BMPER: variants seen among roughly 807,000 people sequenced by gnomAD.
BMPER encodes BMP binding endothelial regulator.
BMPER carries 45 observed loss-of-function variants against 87.3 expected under a neutral mutation model. That is an observed-to-expected ratio of 0.52 (90% confidence interval 0.41 to 0.66). The LOEUF is 0.66. Ranked by LOEUF, BMPER falls within the 30% of genes least tolerant of loss-of-function variation. BMPER has a pLI of 0.00. For synonymous variants in BMPER, 326 were observed against 316.2 expected, an observed-to-expected ratio of 1.03 and a Z score of -0.33; for missense variants, 784 against 867.5, an observed-to-expected ratio of 0.90 and a Z score of 1.21.
At chr7:34,137,588 G>C (rs1459360679) in intron 13 of BMPER, among the ~76,000 whole-genome samples, 1 of 152,234 alleles carries the variant, frequency 6.6e-6, no homozygotes, top group South Asian at 2.1e-4. Context: ...AAGGTATGAA[G>C]GACATGGGAC....
chr7:34,079,246 C>T, intron 12 of BMPER, 60 bp downstream of exon 12: 1 of 1,600,780 alleles, frequency 6.2e-7, no homozygotes, highest in Non-Finnish European at 8.6e-7. Context: ...CGTTCAGCAG[C>T]ACTGCTCGGT....
intron 6 of BMPER, among the ~76,000 whole-genome samples, chr7:34,019,333 C>G (rs1787119497): frequency 6.6e-6 from 1 of 152,058 alleles, no homozygotes; most frequent in African/African-American, 2.4e-5. Context: ...AGGAGCCATT[C>G]TCTCGTCAGA....
At chr7:34,033,791 G>A (rs531184117) in intron 6 of BMPER, among the ~76,000 whole-genome samples, 7 of 152,278 alleles carry the variant, frequency 4.6e-5, no homozygotes, top group South Asian at 4.1e-4. Flanking sequence ...CTTGTCTTCC[G>A]TTATCTTCAC....
intron 13 of BMPER, among the ~76,000 whole-genome samples, chr7:34,131,784 G>A (rs544064454): frequency 2.5e-4 from 38 of 152,304 alleles, no homozygotes; most frequent in African/African-American, 7.7e-4. Flanking sequence ...CAATGCTGGG[G>A]CTGGCATCCC....
chr7:33,927,094 AG>A lies in BMPER; in HGVS notation c.220-10194del, dbSNP rs1370792506. Among the ~76,000 whole-genome samples the A allele has an allele frequency of 2.6e-5, 4 of 152,258 alleles. No homozygotes were observed. The East Asian group carries it at 7.7e-4, about 29-fold the overall frequency. The stretch of plus-strand genomic sequence containing the variant: ...AAGAGTGTCTCACTGGTGACCAGAA[AG>A]TTACTTTGTCAAAATGACAGATGGG... On this transcript the variant is annotated intron_variant, in intron 2 of 14. Transcript: ENST00000649409.
In BMPER at chr7:33,905,755, G is replaced by A; in HGVS notation, c.133+9G>A. 6.2e-7 allele frequency: 1 copy of A among 1,610,218 alleles called. No individual in the cohort carries two copies. On this transcript the variant is annotated intron_variant, in intron 1 of 14. Coordinates refer to ENST00000649409, the MANE Select transcript of BMPER (RefSeq NM_001365308.1). ...TTCCTCCTTCTTGACAGGTAGGGGA[G>A]GGGGCGGGAGGGACCGGCCCTCCGG...
intron 6 of BMPER, among the ~76,000 whole-genome samples, chr7:33,998,391 G>T (rs891182265): frequency 6.6e-6 from 1 of 152,128 alleles, no homozygotes; most frequent in African/African-American, 2.4e-5. Context: ...TGGGAATCTG[G>T]TCATTGCCCT....
At chr7:34,076,180 C>G (rs1323462494) in intron 11 of BMPER, among the ~76,000 whole-genome samples, 1 of 152,148 alleles carries the variant, frequency 6.6e-6, no homozygotes, top group East Asian at 1.9e-4. Context: ...TCCCGCCCAG[C>G]TATGAGCAAG....
intron 3 of BMPER, among the ~76,000 whole-genome samples, chr7:33,958,704 C>T (rs555943836): frequency 9.2e-5 from 14 of 152,248 alleles, no homozygotes; most frequent in East Asian, 1.9e-4. Context: ...AAAGTAATTG[C>T]GCTTTTTTGA....
chr7:34,063,103 G>GT lies in BMPER; in HGVS notation c.1078+1060dup, dbSNP rs572444141. Among the ~76,000 whole-genome samples, 370 of 152,314 alleles carry GT rather than the reference G, an allele frequency of 2.4e-3. 1 individual carries two copies. Among genetic ancestry groups the GT allele is most frequent in the Admixed American group, 3.9e-3 (60 of 15,302 alleles). On this transcript the variant is annotated intron_variant, in intron 11 of 14. Transcript: ENST00000649409. ...TGGTTTTGAGATAGCTTCCTGGAGT[G>GT]TTTTATTGAAAGAGGAGTATTAGTA...
At chr7:33,970,547 G>T (rs1016603741) in intron 5 of BMPER, 128 bp downstream of exon 5, 1 of 953,866 alleles carries the variant, frequency 1.0e-6, no homozygotes, top group Admixed American at 1.9e-5. Flanking sequence ...TTTAGAGAGC[G>T]AGCTCCTTTG....
intron 14 of BMPER, among the ~76,000 whole-genome samples, chr7:34,151,530 G>C (rs1791175534): frequency 6.6e-6 from 1 of 152,218 alleles, no homozygotes; most frequent in Non-Finnish European, 1.5e-5. Flanking sequence ...CTGAGTGTGA[G>C]CCAGGTGTAG....
intron 6 of BMPER, among the ~76,000 whole-genome samples, chr7:33,980,103 T>G (rs2127916134): frequency 6.6e-6 from 1 of 152,350 alleles, no homozygotes; most frequent in Admixed American, 6.5e-5. Flanking sequence ...CTAACGTTTT[T>G]AGGTGTGACT....
intron 2 of BMPER, among the ~76,000 whole-genome samples, chr7:33,929,064 G>A (rs1312687350): frequency 6.6e-6 from 1 of 152,124 alleles, no homozygotes; most frequent in African/African-American, 2.4e-5. Flanking sequence ...GCCCCAGTGG[G>A]CTTCATAAAG....
At chr7:34,052,825 G>T (rs1183725674) in intron 8 of BMPER, among the ~76,000 whole-genome samples, 1 of 152,178 alleles carries the variant, frequency 6.6e-6, no homozygotes, top group African/African-American at 2.4e-5. Context: ...TTCAGCGGGT[G>T]GTTGGTTAAG....
At chr7:33,990,208 G>C (rs1420038867) in intron 6 of BMPER, among the ~76,000 whole-genome samples, 2 of 149,298 alleles carry the variant, frequency 1.3e-5, no homozygotes, top group Admixed American at 6.8e-5. Context: ...ACCTTGGGCA[G>C]TATGGCCATT....
rs369435597 is a variant in BMPER at position 33,966,571 on chromosome 7, A to C, written c.402+10A>C. The C allele has an allele frequency of 2.2e-5, 35 of 1,611,898 alleles. No homozygotes were observed. Among genetic ancestry groups the C allele is most frequent in the Non-Finnish European group, 2.9e-5 (34 of 1,178,202 alleles). On this transcript the variant is annotated intron_variant, in intron 4 of 14. Transcript: ENST00000649409. ...TCTACGCCAGTGCCAGGTAAAGTTC[A>C]ATTATTTCTCTCTCCAGTAAAAAGG...
intron 13 of BMPER, among the ~76,000 whole-genome samples, chr7:34,100,306 C>G (rs930125642): frequency 6.6e-6 from 1 of 152,134 alleles, no homozygotes; most frequent in Non-Finnish European, 1.5e-5. Flanking sequence ...GAGGGTCAGA[C>G]CTACTATGCG....
At chr7:34,079,732 C>T (rs117673409) in intron 12 of BMPER, among the ~76,000 whole-genome samples, 278 of 152,336 alleles carry the variant, frequency 1.8e-3, no homozygotes, top group Non-Finnish European at 2.9e-3. Context: ...TTGTTCTTGG[C>T]AGACTCTGGT....
Sources: gnomAD v4.1 joint callset for allele counts (sites outside exome capture counted in the v4.1 genomes callset) on GRCh38, gnomAD v4.1.1 for gene constraint, MANE v1.5 for transcripts, NCBI Gene and HGNC (gene_info 2026-07-23, HGNC 2026-07-21) for gene names.